SPAG16: variants seen among roughly 807,000 people sequenced by gnomAD.
SPAG16 encodes the protein sperm associated antigen 16.
Under a neutral mutation model 80.4 loss-of-function variants are expected in SPAG16, and 86 were observed. The observed-to-expected ratio is 1.07, with a 90% CI of 0.90 to 1.28. The LOEUF (loss-of-function observed/expected upper bound fraction) is 1.28, where lower values mean the gene tolerates loss of function less well. Among genes scored for constraint, SPAG16 ranks in the 50% most tolerant of loss-of-function variants. The probability of loss-of-function intolerance (pLI) is 0.00; values close to 1 mark genes in which losing one functional copy is unlikely to be tolerated. For synonymous variants in SPAG16, 294 were observed against 265.9 expected (o/e 1.11, Z -1.03); for missense variants, 870 against 765.3 (o/e 1.14, Z -1.61).
chr2:214,278,475 A>G (rs1692646083), intron 15 of SPAG16, among the ~76,000 whole-genome samples: 1 of 152,168 alleles, frequency 6.6e-6, no homozygotes, highest in South Asian at 2.1e-4. Flanking sequence ...CTTTCAAGGT[A>G]TGAAAGATTA....
intron 9 of SPAG16, among the ~76,000 whole-genome samples, chr2:213,427,671 T>C (rs1266173051): frequency 6.6e-6 from 1 of 152,318 alleles, no homozygotes; most frequent in East Asian, 1.9e-4. Context: ...AAATGATCTT[T>C]ATCTACATAT....
intron 10 of SPAG16, among the ~76,000 whole-genome samples, chr2:213,817,254 A>G (rs2072608041): frequency 7.1e-6 from 1 of 141,202 alleles, no homozygotes; most frequent in African/African-American, 2.8e-5. Context: ...ACTTATATAT[A>G]TGATATATAT....
At chr2:214,255,545 A>G (rs776311718) in intron 15 of SPAG16, among the ~76,000 whole-genome samples, 3 of 151,928 alleles carry the variant, frequency 2.0e-5, no homozygotes, top group Non-Finnish European at 4.4e-5. Context: ...AAACACTTCC[A>G]CACATATTAT....
chr2:213,896,753 C>T (rs2077010545), intron 11 of SPAG16, among the ~76,000 whole-genome samples: 1 of 151,900 alleles, frequency 6.6e-6, no homozygotes, highest in Non-Finnish European at 1.5e-5. Flanking sequence ...ATGGATGGAA[C>T]TGGTGGCTCA....
At chr2:213,828,476 C>T (rs545118235) in intron 10 of SPAG16, among the ~76,000 whole-genome samples, 1 of 152,266 alleles carries the variant, frequency 6.6e-6, no homozygotes, top group Non-Finnish European at 1.5e-5. Flanking sequence ...TTTGAATTCT[C>T]TTTCTGAAAG....
At chr2:213,466,682 C>G (rs2072716703) in intron 9 of SPAG16, among the ~76,000 whole-genome samples, 1 of 152,212 alleles carries the variant, frequency 6.6e-6, no homozygotes, top group Non-Finnish European at 1.5e-5. Context: ...CTTATGTCCT[C>G]TGTTACCCTG....
At position 214,212,479 on chromosome 2, in the gene SPAG16, G is replaced by A. The variant is rs111301721; in HGVS notation, c.1720+63213G>A. On this transcript the variant is annotated intron_variant, in intron 15 of 15. Coordinates refer to ENST00000331683, the MANE Select transcript of SPAG16 (RefSeq NM_024532.5). ...CAGAACTTGGCACTACCTGATACACGGGTTACATGTCCATTGTTTGACTCT... is the reference window on the plus strand; with the variant it reads ...CAGAACTTGGCACTACCTGATACACAGGTTACATGTCCATTGTTTGACTCT... Among the ~76,000 whole-genome samples the A allele has an allele frequency of 3.4e-3, 511 of 151,976 alleles. 2 individuals are homozygous for A. Among genetic ancestry groups the A allele is most frequent in the Non-Finnish European group, 5.6e-3 (382 of 67,970 alleles).
intron 3 of SPAG16, among the ~76,000 whole-genome samples, 157 bp downstream of exon 3, chr2:213,297,514 A>G (rs1044843615): frequency 6.6e-6 from 1 of 152,160 alleles, no homozygotes; most frequent in Admixed American, 6.5e-5. Flanking sequence ...ACTTTAAGGT[A>G]AGCAGTCATA....
intron 5 of SPAG16, among the ~76,000 whole-genome samples, chr2:213,327,535 A>T (rs1248765236): frequency 6.6e-6 from 1 of 152,132 alleles, no homozygotes; most frequent in Non-Finnish European, 1.5e-5. Flanking sequence ...CTGCACATTT[A>T]TGGTTCTGCT....
intron 15 of SPAG16, among the ~76,000 whole-genome samples, chr2:214,251,714 A>G (rs983481383): frequency 4.6e-5 from 7 of 152,162 alleles, no homozygotes; most frequent in Admixed American, 2.6e-4. Flanking sequence ...GTACTCCTAT[A>G]AAGTGCTTGC....
At chr2:214,153,264 C>T (rs1336965457) in intron 15 of SPAG16, among the ~76,000 whole-genome samples, 1 of 152,100 alleles carries the variant, frequency 6.6e-6, no homozygotes, top group Admixed American at 6.6e-5. Flanking sequence ...AGAAGGCTCG[C>T]ACTCTTGTCT....
At chr2:213,834,379 C>T (rs1691450266) in intron 10 of SPAG16, among the ~76,000 whole-genome samples, 1 of 152,016 alleles carries the variant, frequency 6.6e-6, no homozygotes, top group African/African-American at 2.4e-5. Context: ...TATGCTAAGT[C>T]TGATGAAAAA....
chr2:214,405,822 C>G (rs528272341), intron 15 of SPAG16, among the ~76,000 whole-genome samples: 28 of 151,976 alleles, frequency 1.8e-4, no homozygotes, highest in African/African-American at 6.5e-4. Context: ...AAAGAAAATC[C>G]CAATTCAACC....
chr2:213,636,908 A>T (rs13000730), intron 10 of SPAG16, among the ~76,000 whole-genome samples: 40,687 of 152,078 alleles, frequency 0.27, 6,358 homozygotes, highest in Middle Eastern at 0.42. Flanking sequence ...AAAAGTGACA[A>T]TTTGACTTCC....
chr2:213,475,247 G>A (rs937040856), intron 9 of SPAG16, among the ~76,000 whole-genome samples: 1 of 152,140 alleles, frequency 6.6e-6, no homozygotes, highest in Non-Finnish European at 1.5e-5. Context: ...CCCTAAATTT[G>A]TCTTAAGTCC....
intron 13 of SPAG16, among the ~76,000 whole-genome samples, chr2:214,103,531 T>A (rs1299189601): frequency 6.6e-6 from 1 of 152,130 alleles, no homozygotes. Flanking sequence ...AGGTTGTGTT[T>A]GAGTTGAAAG....
intron 10 of SPAG16, among the ~76,000 whole-genome samples, chr2:213,748,929 A>G (rs552268723): frequency 2.0e-4 from 30 of 152,264 alleles, no homozygotes; most frequent in Admixed American, 7.9e-4. Flanking sequence ...CAGGGGGATC[A>G]TGAGGTCAGG....
chr2:214,260,040 C>G (rs1165756909), intron 15 of SPAG16, among the ~76,000 whole-genome samples: 12 of 152,038 alleles, frequency 7.9e-5, no homozygotes, highest in Non-Finnish European at 1.5e-5. Flanking sequence ...TTAAACTATT[C>G]TGCTATGATT....
intron 11 of SPAG16, among the ~76,000 whole-genome samples, chr2:213,886,637 G>A (rs2076566387): frequency 6.6e-6 from 1 of 151,938 alleles, no homozygotes. Flanking sequence ...AAATATGAGA[G>A]GAGTGCCAAC....
Sources: allele counts gnomAD v4.1 joint callset (sites outside exome capture counted in the v4.1 genomes callset), GRCh38; gene constraint gnomAD v4.1.1; transcripts MANE v1.5; gene names NCBI Gene and HGNC (gene_info 2026-07-23, HGNC 2026-07-21).